Variants in GAPVD1 observed in about 807,000 individuals in gnomAD.
GAPVD1 encodes GTPase-activating protein and VPS9 domain-containing protein 1.
GAPVD1 carries 35 observed loss-of-function variants against 155.5 expected under a neutral mutation model. The ratio of observed to expected loss-of-function variants is 0.23; its 90% CI spans 0.17 to 0.30. The LOEUF is 0.30. GAPVD1 is among the 10% of genes least tolerant of loss of function. The pLI is 1.00. For missense variants in GAPVD1, 1,429 were observed against 1,775.7 expected (o/e 0.80, Z 3.51); for synonymous variants, 636 against 619.7 (o/e 1.03, Z -0.39).
intron 20 of GAPVD1, 146 bp from the exon 21 acceptor site, chr9:125,349,244 A>G (rs543195126): frequency 3.5e-5 from 22 of 626,354 alleles, no homozygotes; most frequent in Non-Finnish European, 5.6e-5. Context: ...AAGTATTTGA[A>G]GTTTGTTTTT....
At position 125,332,080 on chromosome 9, in the gene GAPVD1, A is replaced by G; in HGVS notation, c.2308+20A>G. ...TGTCCGGTATGTCTGTCTTGTTTTAAGGAGTAGGGATTTGAAGGTGTTCAC... is the reference window on the plus strand; with the variant it reads ...TGTCCGGTATGTCTGTCTTGTTTTAGGGAGTAGGGATTTGAAGGTGTTCAC... On this transcript the variant is annotated intron_variant, in intron 14 of 27. Transcript: ENST00000297933. 6.2e-7 allele frequency: 1 copy of G among 1,612,870 alleles called. No individual in the cohort carries two copies. Among genetic ancestry groups the G allele is most frequent in the Non-Finnish European group, 8.5e-7 (1 of 1,179,116 alleles).
At chr9:125,339,782 C>G (rs1349788456) in intron 17 of GAPVD1, among the ~76,000 whole-genome samples, 1 of 152,220 alleles carries the variant, frequency 6.6e-6, no homozygotes, top group Non-Finnish European at 1.5e-5. Flanking sequence ...AGTGAGAAAT[C>G]TACTTTCACT....
At chr9:125,354,879 G>A in intron 24 of GAPVD1, 38 bp downstream of exon 24, 1 of 1,375,558 alleles carries the variant, frequency 7.3e-7, no homozygotes, top group South Asian at 1.2e-5. Context: ...CTCTTCACCT[G>A]TAATACTGTT....
intron 2 of GAPVD1, among the ~76,000 whole-genome samples, chr9:125,292,665 C>T (rs1397576383): frequency 2.6e-5 from 4 of 151,890 alleles, no homozygotes; most frequent in Non-Finnish European, 5.9e-5. Flanking sequence ...GCTAGGATTA[C>T]AGGCGTGAAC....
At chr9:125,266,114 G>A (rs1006002516) in intron 1 of GAPVD1, among the ~76,000 whole-genome samples, 1 of 142,996 alleles carries the variant, frequency 7.0e-6, no homozygotes, top group Non-Finnish European at 1.5e-5. Context: ...TGGCAAAGGG[G>A]ATGATATCTA....
At chr9:125,336,796 C>T in intron 15 of GAPVD1, 1 of 523,420 alleles carries the variant, frequency 1.9e-6, no homozygotes, top group South Asian at 2.5e-5. Context: ...CATGTAGATG[C>T]CAGACCACTT....
intron 15 of GAPVD1, 98 bp downstream of exon 15, chr9:125,332,727 C>A: frequency 1.1e-6 from 1 of 934,700 alleles, no homozygotes; most frequent in Non-Finnish European, 1.7e-6. Context: ...GTTGGTATAG[C>A]ACTTTGGGAC....
intron 1 of GAPVD1, among the ~76,000 whole-genome samples, chr9:125,264,348 C>A (rs1399804232): frequency 6.6e-6 from 1 of 152,114 alleles, no homozygotes; most frequent in Non-Finnish European, 1.5e-5. Context: ...ACACCAGCCA[C>A]CACGCCTGGA....
intron 9 of GAPVD1, among the ~76,000 whole-genome samples, chr9:125,314,776 A>T (rs1242424099): frequency 6.6e-6 from 1 of 152,006 alleles, no homozygotes; most frequent in South Asian, 2.1e-4. Flanking sequence ...ACCTCCTGAA[A>T]AAGTAGCAGC....
chr9:125,292,446 G>A (rs913538728), intron 2 of GAPVD1, among the ~76,000 whole-genome samples: 1 of 151,780 alleles, frequency 6.6e-6, no homozygotes, highest in Non-Finnish European at 1.5e-5. Flanking sequence ...AGGCTGGAGT[G>A]CAGTGTTGTG....
At chr9:125,362,458 A>C (rs546236508) in intron 27 of GAPVD1, 148 bp from the exon 28 acceptor site, 1 of 622,690 alleles carries the variant, frequency 1.6e-6, no homozygotes, top group African/African-American at 1.8e-5. Flanking sequence ...ACTAGGGTTC[A>C]CAGATTACTT....
chr9:125,299,286 G>A (rs533467802), intron 4 of GAPVD1, among the ~76,000 whole-genome samples, 180 bp downstream of exon 4: 1 of 152,272 alleles, frequency 6.6e-6, no homozygotes, highest in African/African-American at 2.4e-5. Flanking sequence ...AGTAACTTAG[G>A]CACTTTTATA....
intron 7 of GAPVD1, 40 bp from the exon 8 acceptor site, chr9:125,307,651 A>C: frequency 6.3e-7 from 1 of 1,586,782 alleles, no homozygotes; most frequent in East Asian, 2.2e-5. Context: ...TTGTATTTGA[A>C]AAAGTGATTT....
intron 24 of GAPVD1, 92 bp downstream of exon 24, chr9:125,354,933 G>A (rs1477243335): frequency 1.2e-6 from 1 of 816,642 alleles, no homozygotes; most frequent in Non-Finnish European, 2.0e-6. Flanking sequence ...GTTTGTTCAA[G>A]TATCTGCATG....
At chr9:125,362,147 A>G (rs1479129970) in intron 27 of GAPVD1, among the ~76,000 whole-genome samples, 1 of 152,208 alleles carries the variant, frequency 6.6e-6, no homozygotes, top group Non-Finnish European at 1.5e-5. Context: ...GAAAAAGGTA[A>G]AAAAAATTCA....
chr9:125,263,107 T>C (rs1196544558), intron 1 of GAPVD1, among the ~76,000 whole-genome samples: 1 of 152,238 alleles, frequency 6.6e-6, no homozygotes, highest in East Asian at 1.9e-4. Flanking sequence ...CACATGTATT[T>C]AATTATGCAC....
In GAPVD1 at chr9:125,358,057, T is replaced by A. The variant is rs572433138; in HGVS notation, c.3972-1363T>A. Among the ~76,000 whole-genome samples the A allele has an allele frequency of 1.3e-4, 20 of 152,206 alleles. No individual in the cohort carries two copies. In the South Asian group the frequency reaches 3.7e-3, roughly 28 times the overall value. ...AACCTGGAATAGTAATAGCGATTAT[T>A]TTTGGGTAAAGAGACTAGGGAAGAT... On this transcript the variant is annotated intron_variant, in intron 25 of 27. Coordinates refer to ENST00000297933, the MANE Select transcript of GAPVD1 (RefSeq NM_001282680.3).
At chr9:125,266,670 C>T (rs1186896732) in intron 1 of GAPVD1, among the ~76,000 whole-genome samples, 10 of 152,124 alleles carry the variant, frequency 6.6e-5, no homozygotes, top group Admixed American at 5.3e-4. Context: ...CTAGACACTA[C>T]TGTGACAACA....
At chr9:125,276,504 C>A (rs1369064279) in intron 2 of GAPVD1, among the ~76,000 whole-genome samples, 1 of 152,128 alleles carries the variant, frequency 6.6e-6, no homozygotes, top group Non-Finnish European at 1.5e-5. Flanking sequence ...GCCTGAGCAA[C>A]ATGGTGAAAC....
Sources: gnomAD v4.1 joint callset for allele counts (sites outside exome capture counted in the v4.1 genomes callset) on GRCh38, gnomAD v4.1.1 for gene constraint, MANE v1.5 for transcripts, NCBI Gene and HGNC (gene_info 2026-07-23, HGNC 2026-07-21) for gene names.